Variants in WDPCP observed in about 807,000 individuals in gnomAD.
The protein encoded by WDPCP is WD repeat containing planar cell polarity effector, also known as WD repeat-containing and planar cell polarity effector protein fritz homolog.
A neutral mutation model predicts 93.1 loss-of-function variants in WDPCP; 71 were observed. The observed-to-expected ratio is 0.76, with a 90% CI of 0.63 to 0.93. The LOEUF is 0.93. Ranked by LOEUF, WDPCP falls within the 40% of genes least tolerant of loss-of-function variation. WDPCP has a pLI of 0.00. For missense variants in WDPCP, 844 were observed against 887.4 expected (o/e 0.95, Z 0.62); for synonymous variants, 315 against 315.0 (o/e 1.00, Z 0.00).
intron 3 of WDPCP, chr2:63,597,153 A>G (rs1468892421): frequency 2.4e-6 from 1 of 415,482 alleles, no homozygotes; most frequent in Non-Finnish European, 3.2e-6. Context: ...TAAAAGATAA[A>G]AGCTATGGAG....
At chr2:63,662,363 G>T (rs1409314127) in intron 2 of WDPCP, among the ~76,000 whole-genome samples, 2 of 152,038 alleles carry the variant, frequency 1.3e-5, no homozygotes, top group African/African-American at 2.4e-5. Context: ...TTACCACATG[G>T]TCTGTTTGTG....
chr2:63,362,277 T>TTGGGGGTGTGTGTGTGTGTGTG (rs1553362983), intron 12 of WDPCP, among the ~76,000 whole-genome samples: 6 of 94,132 alleles, frequency 6.4e-5, no homozygotes, highest in African/African-American at 2.8e-4. Flanking sequence ...TTTTTTTTGG[T>TTGGGGGTGTGTGTGTGTGTGTG]TGTGTGTGTG....
chr2:63,756,295 T>TA (rs942113424), intron 2 of WDPCP, among the ~76,000 whole-genome samples: 2 of 152,192 alleles, frequency 1.3e-5, no homozygotes, highest in African/African-American at 4.8e-5. Context: ...TAGCACATTA[T>TA]AAAAAATTCT....
chr2:63,663,219 C>T (rs1039824656), intron 2 of WDPCP, among the ~76,000 whole-genome samples: 2 of 152,212 alleles, frequency 1.3e-5, no homozygotes, highest in African/African-American at 4.8e-5. Context: ...TCCCTGTACC[C>T]TGCCCCTTGC....
chr2:63,373,664 T>C (rs1373263714), intron 12 of WDPCP, among the ~76,000 whole-genome samples: 1 of 151,994 alleles, frequency 6.6e-6, no homozygotes, highest in Non-Finnish European at 1.5e-5. Context: ...TAGTATCTCA[T>C]TGTGTGTTTT....
chr2:63,274,019 A>G (rs1457453773), intron 13 of WDPCP, among the ~76,000 whole-genome samples: 19 of 152,184 alleles, frequency 1.2e-4, no homozygotes, highest in Admixed American at 1.2e-3. Context: ...ACATTTACAG[A>G]ACATTTTATT....
intron 17 of WDPCP, among the ~76,000 whole-genome samples, chr2:63,138,321 C>G (rs1670788501): frequency 6.6e-6 from 1 of 152,056 alleles, no homozygotes; most frequent in Non-Finnish European, 1.5e-5. Flanking sequence ...TGTGTGCATG[C>G]TCAGCAGTGT....
At chr2:63,367,309 G>A (rs1558526434) in intron 12 of WDPCP, among the ~76,000 whole-genome samples, 1 of 151,910 alleles carries the variant, frequency 6.6e-6, no homozygotes. Context: ...TAAAAATACT[G>A]ATTATTTCAA....
intron 2 of WDPCP, among the ~76,000 whole-genome samples, chr2:63,757,833 T>G (rs1669992108): frequency 1.3e-5 from 2 of 152,208 alleles, no homozygotes; most frequent in South Asian, 2.1e-4. Context: ...CATGTATAGA[T>G]GGAACCTCTT....
chr2:63,222,436 G>A (rs534530170), intron 14 of WDPCP, among the ~76,000 whole-genome samples: 7 of 152,272 alleles, frequency 4.6e-5, no homozygotes, highest in Admixed American at 1.3e-4. Context: ...AAGGGCCTCT[G>A]GCTTAGATAT....
intron 6 of WDPCP, chr2:63,443,185 T>C (rs1697620014): frequency 1.3e-5 from 2 of 152,078 alleles, no homozygotes; most frequent in African/African-American, 4.8e-5. Context: ...AATACAGCAA[T>C]GAACAAAACA....
chr2:63,524,760 A>C (rs913588687), intron 1 of WDPCP, among the ~76,000 whole-genome samples: 1 of 152,254 alleles, frequency 6.6e-6, no homozygotes, highest in Admixed American at 6.5e-5. Context: ...ATGGGATCTA[A>C]TTAAACTAAA....
chr2:63,327,413 G>C (rs1013695621), intron 12 of WDPCP, among the ~76,000 whole-genome samples: 2 of 152,154 alleles, frequency 1.3e-5, no homozygotes, highest in Non-Finnish European at 2.9e-5. Context: ...AGTGTAACAT[G>C]CATTATCCTA....
At chr2:63,795,083 C>G (rs1575775037) in intron 2 of WDPCP, among the ~76,000 whole-genome samples, 1 of 152,210 alleles carries the variant, frequency 6.6e-6, no homozygotes, top group East Asian at 1.9e-4. Context: ...TTCTTATTAT[C>G]TGATTAACAG....
chr2:63,465,181 A>T (rs1699267304), intron 6 of WDPCP, among the ~76,000 whole-genome samples: 1 of 152,026 alleles, frequency 6.6e-6, no homozygotes, highest in African/African-American at 2.4e-5. Flanking sequence ...TACCTGTGCC[A>T]GACACTGTGC....
intron 8 of WDPCP, among the ~76,000 whole-genome samples, chr2:63,434,857 T>G (rs1466844048): frequency 6.6e-6 from 1 of 152,146 alleles, no homozygotes; most frequent in Non-Finnish European, 1.5e-5. Context: ...ATGGCAGTAA[T>G]GCGATAATGC....
intron 14 of WDPCP, among the ~76,000 whole-genome samples, chr2:63,198,501 GGTGATCCCCT>G (rs1675634679): frequency 6.6e-6 from 1 of 152,110 alleles, no homozygotes; most frequent in Non-Finnish European, 1.5e-5. Flanking sequence ...CTTTGGGAGG[GGTGATCCCCT>G]GTGTTGGAGG....
In WDPCP at chr2:63,575,397, C is replaced by T. The variant is rs545955860; in HGVS notation, c.75+12800G>A. 4.3e-4 allele frequency among the ~76,000 whole-genome samples: 35 copies of T among 81,838 alleles called. No individual in the cohort carries two copies. The East Asian group carries it at 8.6e-3, about 20-fold the overall frequency. 53.7% of individuals were successfully genotyped at this position (81,838 alleles called of 152,430 possible). ...ATATACAGTATATACACGGTATATA[C>T]AGTATATATACAGTATATACACTGT... On this transcript the variant is annotated intron_variant, in intron 1 of 17. Transcript: ENST00000272321.
At chr2:63,726,160 C>G (rs1669494147) in intron 2 of WDPCP, among the ~76,000 whole-genome samples, 1 of 152,094 alleles carries the variant, frequency 6.6e-6, no homozygotes, top group Non-Finnish European at 1.5e-5. Flanking sequence ...AGGTTTTCTT[C>G]TAGGGTTTTT....
Sources: gnomAD v4.1 joint callset for allele counts (sites outside exome capture counted in the v4.1 genomes callset) on GRCh38, gnomAD v4.1.1 for gene constraint, MANE v1.5 for transcripts, NCBI Gene and HGNC (gene_info 2026-07-23, HGNC 2026-07-21) for gene names.